CNBD1: variants seen among roughly 807,000 people sequenced by gnomAD.
The protein encoded by CNBD1 is cyclic nucleotide-binding domain-containing protein 1.
In CNBD1, 71 loss-of-function variants were observed where a neutral mutation model predicts 54.4. That is an observed-to-expected ratio of 1.30 (90% CI 1.08 to 1.59). The LOEUF (loss-of-function observed/expected upper bound fraction) is 1.59, where lower values mean the gene tolerates loss of function less well. CNBD1 is among the 40% of genes most tolerant of loss of function. The pLI is 0.00. For synonymous variants in CNBD1, 182 were observed against 170.7 expected (o/e 1.07, Z -0.51); for missense variants, 659 against 518.0 (o/e 1.27, Z -2.64).
At chr8:87,299,973 G>A (rs1808951475) in intron 8 of CNBD1, among the ~76,000 whole-genome samples, 1 of 152,030 alleles carries the variant, frequency 6.6e-6, no homozygotes, top group Non-Finnish European at 1.5e-5. Flanking sequence ...AGGGCCAATG[G>A]CCTAGAAATA....
chr8:86,883,652 T>C (rs1197989080), intron 1 of CNBD1, among the ~76,000 whole-genome samples: 1 of 152,050 alleles, frequency 6.6e-6, no homozygotes, highest in African/African-American at 2.4e-5. Context: ...CGTAGTAAGA[T>C]GAAGACTGAA....
chr8:87,332,813 T>C (rs1012125744), intron 8 of CNBD1, among the ~76,000 whole-genome samples: 1 of 152,130 alleles, frequency 6.6e-6, no homozygotes, highest in African/African-American at 2.4e-5. Flanking sequence ...AGGTGATGCC[T>C]CCAGCTTTGT....
chr8:87,424,054 T>G (rs1807995464), intron 2 of CNBD1, among the ~76,000 whole-genome samples: 1 of 152,208 alleles, frequency 6.6e-6, no homozygotes, highest in African/African-American at 2.4e-5. Context: ...ATTTTCTAGT[T>G]TATTTGTGTA....
At chr8:87,427,933 C>G (rs962829259) in intron 2 of CNBD1, among the ~76,000 whole-genome samples, 1 of 152,088 alleles carries the variant, frequency 6.6e-6, no homozygotes, top group Non-Finnish European at 1.5e-5. Flanking sequence ...AGACCTTCAC[C>G]AAAGCCCCCC....
At chr8:86,959,069 G>A (rs1470311462) in intron 4 of CNBD1, among the ~76,000 whole-genome samples, 2 of 152,100 alleles carry the variant, frequency 1.3e-5, no homozygotes, top group Admixed American at 1.3e-4. Context: ...CTCTGCATTT[G>A]TTTGTCTCTA....
intron 6 of CNBD1, among the ~76,000 whole-genome samples, chr8:87,266,374 T>C (rs1433158439): frequency 7.5e-6 from 1 of 133,934 alleles, no homozygotes; most frequent in African/African-American, 2.8e-5. Flanking sequence ...TAGCGACTGA[T>C]AGGTAAGCAC....
intron 4 of CNBD1, among the ~76,000 whole-genome samples, chr8:87,037,224 A>C (rs1315807214): frequency 6.6e-6 from 1 of 152,232 alleles, no homozygotes; most frequent in Middle Eastern, 3.4e-3. Context: ...CAATTCTTTA[A>C]AAGTGCCTAT....
At chr8:87,200,397 A>G (rs1235747756) in intron 4 of CNBD1, among the ~76,000 whole-genome samples, 1 of 152,170 alleles carries the variant, frequency 6.6e-6, no homozygotes, top group Non-Finnish European at 1.5e-5. Flanking sequence ...CAAAAATGGA[A>G]CGAATTTTCA....
chr8:87,108,154 G>A (rs779361580), intron 4 of CNBD1, among the ~76,000 whole-genome samples: 3 of 152,098 alleles, frequency 2.0e-5, no homozygotes, highest in African/African-American at 4.8e-5. Context: ...TGTGGGTAGA[G>A]TGACATTACA....
At chr8:87,373,638 T>G (rs1188646778) in intron 10 of CNBD1, among the ~76,000 whole-genome samples, 1 of 151,792 alleles carries the variant, frequency 6.6e-6, no homozygotes, top group African/African-American at 2.4e-5. Context: ...TAATTGTCTG[T>G]AGATGAAAGA....
intron 10 of CNBD1, among the ~76,000 whole-genome samples, chr8:87,356,475 T>A (rs931449964): frequency 1.3e-5 from 2 of 152,176 alleles, no homozygotes; most frequent in African/African-American, 4.8e-5. Context: ...TTGGCTGCAT[T>A]GTGTCCATGC....
At chr8:87,335,355 C>G (rs924532809) in intron 8 of CNBD1, among the ~76,000 whole-genome samples, 6 of 152,070 alleles carry the variant, frequency 3.9e-5, no homozygotes, top group East Asian at 1.9e-4. Flanking sequence ...CTTTGTAGGT[C>G]TCTAAGAACT....
intron 4 of CNBD1, among the ~76,000 whole-genome samples, chr8:87,022,486 G>A (rs1042920186): frequency 6.6e-6 from 1 of 151,776 alleles, no homozygotes; most frequent in Admixed American, 6.6e-5. Context: ...TTGGTGAAAA[G>A]AGAAATAGGA....
chr8:87,344,645 A>C (rs1201183598), intron 8 of CNBD1, among the ~76,000 whole-genome samples: 1 of 152,052 alleles, frequency 6.6e-6, no homozygotes, highest in Non-Finnish European at 1.5e-5. Flanking sequence ...AACCAAGCAG[A>C]ATATGTCTTG....
chr8:87,414,212 G>T (rs1289680669), intron 2 of CNBD1, among the ~76,000 whole-genome samples: 1 of 152,090 alleles, frequency 6.6e-6, no homozygotes, highest in Non-Finnish European at 1.5e-5. Flanking sequence ...AAGAGTTCAT[G>T]TCCTTTGTAG....
intron 8 of CNBD1, among the ~76,000 whole-genome samples, chr8:87,329,153 G>C (rs1809757946): frequency 6.6e-6 from 1 of 151,988 alleles, no homozygotes; most frequent in Non-Finnish European, 1.5e-5. Context: ...ATGTGCAGTT[G>C]TTCAGCACTG....
chr8:87,016,735 T>C (rs1340129799), intron 4 of CNBD1, among the ~76,000 whole-genome samples: 1 of 152,174 alleles, frequency 6.6e-6, no homozygotes, highest in Non-Finnish European at 1.5e-5. Context: ...AGCTCATTAG[T>C]GAACAATCAC....
chr8:86,866,544 A>C lies in CNBD1; in HGVS notation c.49A>C (p.Ile17Leu), dbSNP rs1364636864. Residue 17 changes from isoleucine (I) to leucine (L), a missense_variant, in exon 1 of 11, where the codon ATT (isoleucine) becomes CTT (leucine). Coordinates refer to ENST00000518476, the MANE Select transcript of CNBD1 (RefSeq NM_173538.3). ...AGCTATTTTGTCTCACATGACAGCT[A>C]TTAACAATGTGCCTCCTCCTCCACT... Reference protein sequence around the residue: ...PAAILSHMTAINNVPPPPLHS... With the variant: ...PAAILSHMTALNNVPPPPLHS... 6.2e-7 allele frequency: 1 copy of C among 1,612,128 alleles called. No individual in the cohort carries two copies. Among genetic ancestry groups the C allele is most frequent in the African/African-American group, 1.3e-5 (1 of 74,920 alleles).
intron 2 of CNBD1, among the ~76,000 whole-genome samples, chr8:87,400,069 C>T (rs1184867568): frequency 2.6e-5 from 4 of 151,902 alleles, no homozygotes; most frequent in Non-Finnish European, 1.5e-5. Context: ...ATATCACATT[C>T]CATAGGTTCT....
Sources: gnomAD v4.1 joint callset for allele counts (sites outside exome capture counted in the v4.1 genomes callset) on GRCh38, gnomAD v4.1.1 for gene constraint, MANE v1.5 for transcripts, NCBI Gene and HGNC (gene_info 2026-07-23, HGNC 2026-07-21) for gene names.